The following RGS6 variants were observed in gnomAD, a reference collection of about 807,000 sequenced individuals.
RGS6 encodes the protein regulator of G protein signaling 6.
RGS6 carries 30 observed loss-of-function variants against 78.5 expected under a neutral mutation model. The observed-to-expected ratio is 0.38, with a 90% confidence interval of 0.29 to 0.52. The LOEUF (loss-of-function observed/expected upper bound fraction) is 0.52, where lower values mean the gene tolerates loss of function less well. RGS6 is among the 20% of genes least tolerant of loss of function. The probability of loss-of-function intolerance (pLI) is 0.85; values close to 1 mark genes in which losing one functional copy is unlikely to be tolerated. For missense variants in RGS6, 495 were observed against 609.7 expected (o/e 0.81, Z 1.98); for synonymous variants, 206 against 206.0 (o/e 1.00, Z 0.00).
At chr14:71,899,841 G>A in the RGS6 span, among the ~76,000 whole-genome samples, 8 of 151,980 alleles carry the variant, frequency 5.3e-5, no homozygotes, top group East Asian at 1.5e-3. Context: ...TATCTAGTGA[G>A]ATTTTAAGTT....
rs1366081844 is a variant in RGS6 at position 72,563,647 on chromosome 14, C to T, written c.*1180C>T. The stretch of plus-strand genomic sequence containing the variant: ...AACCTGCAAAAGATCCACCTGTATT[C>T]CCTGTGTGTGTGTGTCAAAATGACC... On this transcript the variant is annotated 3_prime_UTR_variant, in exon 18 of 18. Coordinates refer to ENST00000553525, the MANE Select transcript of RGS6 (RefSeq NM_001204424.2). 6.6e-6 allele frequency: 1 copy of T among 152,272 alleles called. No individual in the cohort carries two copies. 9.4% of individuals were successfully genotyped at this position (152,272 alleles called of 1,614,324 possible).
At chr14:72,371,329 C>T (rs2083461123) in intron 3 of RGS6, among the ~76,000 whole-genome samples, 1 of 151,898 alleles carries the variant, frequency 6.6e-6, no homozygotes, top group Admixed American at 6.6e-5. Context: ...CAACATTTTT[C>T]CTTGTTTGAT....
chr14:72,502,662 C>G (rs998363241), intron 13 of RGS6, among the ~76,000 whole-genome samples: 1 of 152,044 alleles, frequency 6.6e-6, no homozygotes, highest in Non-Finnish European at 1.5e-5. Flanking sequence ...TACTCGGGAG[C>G]CTGAGGCAGG....
intron 1 of RGS6, among the ~76,000 whole-genome samples, chr14:71,936,114 C>T (rs1435360148): frequency 1.4e-5 from 2 of 142,666 alleles, no homozygotes; most frequent in Non-Finnish European, 3.1e-5. Flanking sequence ...GATATATGTA[C>T]ATATACCATA....
At chr14:72,168,606 G>A (rs1261523105) in intron 2 of RGS6, among the ~76,000 whole-genome samples, 1 of 152,182 alleles carries the variant, frequency 6.6e-6, no homozygotes, top group South Asian at 2.1e-4. Context: ...ATACTATTGG[G>A]TTAAATAAAA....
intron 3 of RGS6, among the ~76,000 whole-genome samples, chr14:72,432,334 A>G (rs770849525): frequency 6.6e-6 from 1 of 152,216 alleles, no homozygotes; most frequent in Non-Finnish European, 1.5e-5. Flanking sequence ...CTGGCAGCTA[A>G]CAATTCTACA....
intron 7 of RGS6, among the ~76,000 whole-genome samples, chr14:72,468,628 A>G (rs1033192389): frequency 1.3e-5 from 2 of 152,144 alleles, no homozygotes; most frequent in Non-Finnish European, 2.9e-5. Context: ...TATCAGAATC[A>G]TAACATAAAC....
chr14:71,876,985 A>C, the RGS6 span, among the ~76,000 whole-genome samples: 2 of 152,288 alleles, frequency 1.3e-5, no homozygotes, highest in East Asian at 3.9e-4. Context: ...CTTTTCTTTA[A>C]GAATGTTGAA....
the RGS6 span, among the ~76,000 whole-genome samples, chr14:72,605,519 TGTTG>T: frequency 1.1e-4 from 16 of 152,338 alleles, no homozygotes; most frequent in Admixed American, 2.6e-4. Flanking sequence ...GGGGACACAC[TGTTG>T]TTCTGGCCCT....
chr14:72,374,031 A>G (rs2084083706), intron 3 of RGS6, among the ~76,000 whole-genome samples: 1 of 152,186 alleles, frequency 6.6e-6, no homozygotes, highest in Admixed American at 6.5e-5. Context: ...TAAAAAGGCT[A>G]TCCAAAGGAA....
the RGS6 span, among the ~76,000 whole-genome samples, chr14:72,604,257 C>T: frequency 2.0e-5 from 3 of 152,216 alleles, no homozygotes; most frequent in Non-Finnish European, 4.4e-5. Context: ...CAGACAACCT[C>T]AGCCCAGCAT....
intron 2 of RGS6, among the ~76,000 whole-genome samples, chr14:72,338,485 G>A (rs72724044): frequency 0.12 from 17,665 of 152,178 alleles, 1,062 homozygotes; most frequent in East Asian, 0.16. Flanking sequence ...AGGTCCTCCC[G>A]TAACATGTGG....
At chr14:72,179,597 A>G (rs2097148416) in intron 2 of RGS6, among the ~76,000 whole-genome samples, 1 of 152,126 alleles carries the variant, frequency 6.6e-6, no homozygotes, top group Non-Finnish European at 1.5e-5. Context: ...TCAGCCAAAT[A>G]TTTGCATTGA....
At chr14:72,040,274 A>G (rs545700526) in intron 2 of RGS6, among the ~76,000 whole-genome samples, 41 of 152,178 alleles carry the variant, frequency 2.7e-4, no homozygotes, top group African/African-American at 9.4e-4. Context: ...GGATCCTTTC[A>G]TTTGAAGGAC....
chr14:72,555,802 T>G (rs549231022), intron 17 of RGS6, among the ~76,000 whole-genome samples: 1 of 152,340 alleles, frequency 6.6e-6, no homozygotes, highest in East Asian at 1.9e-4. Flanking sequence ...TGCGGGTGCT[T>G]GTAAAATGCC....
chr14:72,261,055 G>A (rs1463378837), intron 2 of RGS6, among the ~76,000 whole-genome samples: 1 of 152,126 alleles, frequency 6.6e-6, no homozygotes, highest in Non-Finnish European at 1.5e-5. Context: ...GTGTTTTGGG[G>A]GAGGGGCTCA....
intron 2 of RGS6, among the ~76,000 whole-genome samples, chr14:72,309,194 T>C (rs2067969348): frequency 6.6e-6 from 1 of 152,206 alleles, no homozygotes; most frequent in Admixed American, 6.5e-5. Flanking sequence ...AAGGCTGCCC[T>C]TTGCTCTGCA....
intron 2 of RGS6, among the ~76,000 whole-genome samples, chr14:72,230,739 A>G (rs2238223): frequency 0.057 from 8,737 of 152,150 alleles, 359 homozygotes; most frequent in East Asian, 0.26. Flanking sequence ...GGAAACCTCA[A>G]TTTTGCTTTT....
chr14:72,512,697 A>G (rs1327567266), intron 14 of RGS6, among the ~76,000 whole-genome samples: 2 of 152,260 alleles, frequency 1.3e-5, no homozygotes, highest in Middle Eastern at 3.2e-3. Flanking sequence ...TTCCATTTTT[A>G]TGATATTCAG....
Sources: allele counts gnomAD v4.1 joint callset (sites outside exome capture counted in the v4.1 genomes callset), GRCh38; gene constraint gnomAD v4.1.1; transcripts MANE v1.5; gene names NCBI Gene and HGNC (gene_info 2026-07-23, HGNC 2026-07-21).